The following FTO variants were observed in gnomAD, a reference collection of about 807,000 sequenced individuals.
FTO encodes alpha-ketoglutarate-dependent dioxygenase FTO.
A neutral mutation model predicts 63.9 loss-of-function variants in FTO; 47 were observed. The observed-to-expected ratio is 0.74, with a 90% CI of 0.58 to 0.94. The LOEUF (loss-of-function observed/expected upper bound fraction) is 0.94. FTO is among the 40% of genes least tolerant of loss of function. FTO has a pLI of 0.00. For missense variants in FTO, 562 were observed against 618.1 expected (o/e 0.91, Z 0.96); for synonymous variants, 207 against 224.4 (o/e 0.92, Z 0.69).
chr16:53,928,078 A>G (rs1235764128), intron 7 of FTO, among the ~76,000 whole-genome samples: 4 of 152,162 alleles, frequency 2.6e-5, no homozygotes, highest in African/African-American at 9.6e-5. Context: ...TATTATCACC[A>G]TTTGGAGTTA....
At chr16:54,111,570 A>G (rs2086888040) in intron 8 of FTO, among the ~76,000 whole-genome samples, 192 bp from the exon 9 acceptor site, 1 of 152,200 alleles carries the variant, frequency 6.6e-6, no homozygotes, top group Non-Finnish European at 1.5e-5. Flanking sequence ...GGAAGTCCCA[A>G]CACCATCAGA....
intron 2 of FTO, among the ~76,000 whole-genome samples, chr16:53,817,943 T>C (rs558079812): frequency 9.7e-4 from 147 of 152,280 alleles, no homozygotes; most frequent in Non-Finnish European, 1.9e-3. Context: ...ACCAGACAAC[T>C]GCTAATATAA....
At chr16:54,023,700 G>A (rs1242249603) in intron 8 of FTO, among the ~76,000 whole-genome samples, 2 of 152,196 alleles carry the variant, frequency 1.3e-5, no homozygotes, top group Non-Finnish European at 2.9e-5. Context: ...TGGGAACTTC[G>A]TGCGATTTCT....
chr16:53,705,196 C>T (rs1238604462), intron 1 of FTO, among the ~76,000 whole-genome samples: 2 of 152,274 alleles, frequency 1.3e-5, no homozygotes, highest in East Asian at 1.9e-4. Context: ...GTAAGATCTT[C>T]GTGAAATGCA....
At chr16:54,022,488 G>A (rs1450248235) in intron 8 of FTO, among the ~76,000 whole-genome samples, 2 of 152,114 alleles carry the variant, frequency 1.3e-5, no homozygotes, top group Non-Finnish European at 2.9e-5. Context: ...TGAAACAGCA[G>A]TGAGGGTATA....
chr16:53,808,275 A>G (rs2078423518), intron 1 of FTO, among the ~76,000 whole-genome samples: 1 of 152,026 alleles, frequency 6.6e-6, no homozygotes, highest in South Asian at 2.1e-4. Flanking sequence ...TCAAGGCTGC[A>G]GTGAGCTGTG....
chr16:53,998,508 A>G (rs1261122886), intron 8 of FTO: 1 of 152,228 alleles, frequency 6.6e-6, no homozygotes, highest in Non-Finnish European at 1.5e-5. Flanking sequence ...TTTATAAGGA[A>G]CAGAAAACCC....
intron 8 of FTO, among the ~76,000 whole-genome samples, chr16:54,018,421 C>G (rs201355478): frequency 0.027 from 1,981 of 72,922 alleles, 15 homozygotes; most frequent in Non-Finnish European, 0.045. Context: ...TACATACATA[C>G]ATACATACAT....
At chr16:53,866,956 G>A (rs2080334835) in intron 4 of FTO, among the ~76,000 whole-genome samples, 1 of 151,910 alleles carries the variant, frequency 6.6e-6, no homozygotes, top group Non-Finnish European at 1.5e-5. Context: ...TTAGCTTATT[G>A]ATTTTAGATC....
chr16:54,051,675 A>G (rs1433072967), intron 8 of FTO, among the ~76,000 whole-genome samples: 1 of 152,252 alleles, frequency 6.6e-6, no homozygotes, highest in African/African-American at 2.4e-5. Context: ...TTAAATGCCC[A>G]TGATCTCAAA....
chr16:53,787,083 C>T (rs982968814), intron 1 of FTO, among the ~76,000 whole-genome samples: 1 of 118,512 alleles, frequency 8.4e-6, no homozygotes, highest in African/African-American at 3.5e-5. Context: ...TGCACTCTAG[C>T]CTGGGCAACA....
chr16:54,096,355 G>A (rs1418082361), intron 8 of FTO, among the ~76,000 whole-genome samples: 3 of 152,208 alleles, frequency 2.0e-5, no homozygotes, highest in Non-Finnish European at 4.4e-5. Context: ...TTGGAGTTCA[G>A]GGGCTTGTTA....
chr16:53,957,072 C>T (rs755911818), intron 8 of FTO, among the ~76,000 whole-genome samples: 1 of 152,118 alleles, frequency 6.6e-6, no homozygotes, highest in Non-Finnish European at 1.5e-5. Flanking sequence ...AAGGGTTGGC[C>T]TGGGCATAGA....
chr16:54,086,926 C>G (rs1280358017), intron 8 of FTO, among the ~76,000 whole-genome samples: 1 of 152,196 alleles, frequency 6.6e-6, no homozygotes, highest in Non-Finnish European at 1.5e-5. Context: ...GGGCTGCCGG[C>G]CCCCATAAGG....
At chr16:53,841,838 T>A (rs1025604919) in intron 3 of FTO, among the ~76,000 whole-genome samples, 2 of 152,216 alleles carry the variant, frequency 1.3e-5, no homozygotes, top group African/African-American at 4.8e-5. Flanking sequence ...CTTCCTGCAT[T>A]ACTTCTCATT....
At position 54,054,745 on chromosome 16, in the gene FTO, G is replaced by A. The variant is rs1326762984; in HGVS notation, c.1365-57017G>A. On this transcript the variant is annotated intron_variant, in intron 8 of 8. Coordinates refer to ENST00000471389, the MANE Select transcript of FTO (RefSeq NM_001080432.3). ...GTGGCATACAGGAAGAGACAAGACAGGAAGATGAAATAGGTACCATTTCAA... is the reference window on the plus strand; with the variant it reads ...GTGGCATACAGGAAGAGACAAGACAAGAAGATGAAATAGGTACCATTTCAA... Among the ~76,000 whole-genome samples the A allele has an allele frequency of 3.3e-5, 5 of 152,194 alleles. No individual in the cohort carries two copies. The East Asian group carries it at 9.6e-4, about 29-fold the overall frequency.
rs114169317 is a variant in FTO at position 54,002,152 on chromosome 16, T to C, written c.1364+68043T>C. On this transcript the variant is annotated intron_variant, in intron 8 of 8. Coordinates refer to ENST00000471389, the MANE Select transcript of FTO (RefSeq NM_001080432.3). Reference sequence around the variant, plus strand: ...GTTTATCAAGTTTTCAGCAAAGATATATGTTCCACTTTAGCCTCCTTATTC... The same window carrying C: ...GTTTATCAAGTTTTCAGCAAAGATACATGTTCCACTTTAGCCTCCTTATTC... Among the ~76,000 whole-genome samples the C allele has an allele frequency of 6.0e-3, 912 of 152,334 alleles. 13 individuals are homozygous for C. Among genetic ancestry groups the C allele is most frequent in the African/African-American group, 0.021 (856 of 41,584 alleles).
At chr16:53,927,253 AT>A (rs1347929590) in intron 7 of FTO, among the ~76,000 whole-genome samples, 2 of 152,066 alleles carry the variant, frequency 1.3e-5, no homozygotes, top group Non-Finnish European at 2.9e-5. Context: ...GAATCACAGG[AT>A]TTTTTATGTT....
At chr16:53,742,665 A>G (rs932592671) in intron 1 of FTO, among the ~76,000 whole-genome samples, 1 of 152,196 alleles carries the variant, frequency 6.6e-6, no homozygotes, top group African/African-American at 2.4e-5. Flanking sequence ...TAAAAGGAAG[A>G]AAAAAATACA....
Sources: gnomAD v4.1 joint callset for allele counts (sites outside exome capture counted in the v4.1 genomes callset) on GRCh38, gnomAD v4.1.1 for gene constraint, MANE v1.5 for transcripts, NCBI Gene and HGNC (gene_info 2026-07-23, HGNC 2026-07-21) for gene names.